Variants in WDR41 observed in about 807,000 individuals in gnomAD.
The protein encoded by WDR41 is WD repeat-containing protein 41.
A neutral mutation model predicts 69.3 loss-of-function variants in WDR41; 63 were observed. The ratio of observed to expected loss-of-function variants is 0.91; its 90% CI spans 0.74 to 1.12. The LOEUF (loss-of-function observed/expected upper bound fraction) is 1.12, where lower values mean the gene tolerates loss of function less well. Ranked by LOEUF, WDR41 falls within the 50% of genes most tolerant of loss-of-function variation. The probability of loss-of-function intolerance (pLI) is 0.00; values close to 1 mark genes in which losing one functional copy is unlikely to be tolerated. For synonymous variants in WDR41, 185 were observed against 192.1 expected (o/e 0.96, Z 0.31); for missense variants, 543 against 534.5 (o/e 1.02, Z -0.16).
chr5:77,455,990 CAAAA>C (rs1415619341), intron 5 of WDR41, among the ~76,000 whole-genome samples: 24 of 148,876 alleles, frequency 1.6e-4, no homozygotes, highest in African/African-American at 4.7e-4. Flanking sequence ...AAAAAAACAA[CAAAA>C]AAACAAGCCA....
At chr5:77,562,511 T>C (rs1474973297) in intron 1 of WDR41, among the ~76,000 whole-genome samples, 2 of 152,204 alleles carry the variant, frequency 1.3e-5, no homozygotes, top group African/African-American at 4.8e-5. Context: ...AATCAGTTGA[T>C]GTGTCCTTTG....
intron 1 of WDR41, among the ~76,000 whole-genome samples, chr5:77,508,409 T>C (rs77760208): frequency 0.039 from 5,996 of 152,326 alleles, 145 homozygotes; most frequent in Middle Eastern, 0.1. Flanking sequence ...CCACCACACC[T>C]GGCCCTTTTA....
rs950440731 is a variant in WDR41 at position 77,431,967 on chromosome 5, A to C, written c.*1168T>G. On this transcript the variant is annotated 3_prime_UTR_variant, in exon 13 of 13. Transcript: ENST00000296679. ...AGATTTAATTGCAAGGCCTTACTGC[A>C]CTGGGCCTCAGTTTCCTCATTTGTA... 3.3e-5 allele frequency: 5 copies of C among 152,316 alleles called. No homozygotes were observed. Among genetic ancestry groups the C allele is most frequent in the Non-Finnish European group, 5.9e-5 (4 of 68,048 alleles). The allele number at this position is 152,316 out of a possible 1,614,324, so 9.4% of individuals were successfully genotyped here. A position where few individuals can be genotyped will look rare whatever the true frequency, so the allele number is the denominator to read the frequency against.
chr5:77,559,250 G>A (rs750365347), intron 1 of WDR41, among the ~76,000 whole-genome samples: 3 of 152,136 alleles, frequency 2.0e-5, no homozygotes, highest in African/African-American at 4.8e-5. Context: ...ACTAAATGTC[G>A]AGTTGGGGAG....
chr5:77,577,623 G>C (rs112493559), intron 1 of WDR41, among the ~76,000 whole-genome samples: 1,630 of 152,242 alleles, frequency 0.011, 13 homozygotes, highest in South Asian at 0.017. Flanking sequence ...TTTACTGCTA[G>C]ATGTTTACCC....
At chr5:77,575,392 C>T (rs537965550) in intron 1 of WDR41, among the ~76,000 whole-genome samples, 1 of 152,266 alleles carries the variant, frequency 6.6e-6, no homozygotes, top group South Asian at 2.1e-4. Flanking sequence ...TATGCAAGGG[C>T]ACAGCAAGCC....
At chr5:77,470,750 C>G (rs1800554239) in intron 2 of WDR41, among the ~76,000 whole-genome samples, 1 of 152,120 alleles carries the variant, frequency 6.6e-6, no homozygotes, top group Non-Finnish European at 1.5e-5. Context: ...TATATGCACC[C>G]AATACAGGAG....
At chr5:77,562,534 T>A (rs1460317899) in intron 1 of WDR41, among the ~76,000 whole-genome samples, 1 of 152,154 alleles carries the variant, frequency 6.6e-6, no homozygotes, top group Non-Finnish European at 1.5e-5. Flanking sequence ...TCAACTGTAG[T>A]TGTTAATAAA....
chr5:77,594,137 C>T (rs1272884191), intron 1 of WDR41, among the ~76,000 whole-genome samples: 1 of 151,612 alleles, frequency 6.6e-6, no homozygotes, highest in African/African-American at 2.4e-5. Context: ...AAGCTGGAAA[C>T]CATCATTCTC....
At chr5:77,522,279 C>T (rs569723029) in intron 1 of WDR41, among the ~76,000 whole-genome samples, 1 of 152,214 alleles carries the variant, frequency 6.6e-6, no homozygotes, top group African/African-American at 2.4e-5. Context: ...GAGACAGCAG[C>T]GATTTCTGCA....
At position 77,459,004 on chromosome 5, in the gene WDR41, A is replaced by T. The variant is rs1799936751; in HGVS notation, c.411+58T>A. 3 of 1,275,674 alleles carry T rather than the reference A, an allele frequency of 2.4e-6. No individual in the cohort carries two copies. In the East Asian group the frequency reaches 7.1e-5, roughly 30 times the overall value. The allele number at this position is 1,275,674 out of a possible 1,614,324, so 79.0% of individuals were successfully genotyped here. A position where few individuals can be genotyped will look rare whatever the true frequency, so the allele number is the denominator to read the frequency against. ...GTAATTTCGTCTAACTCTTTAAACC[A>T]TGTCTTCTGAGACAAAAATAGATTG... On this transcript the variant is annotated intron_variant, in intron 5 of 12. Transcript: ENST00000296679.
chr5:77,565,623 CAA>C (rs1743611097), intron 1 of WDR41, among the ~76,000 whole-genome samples: 1 of 152,050 alleles, frequency 6.6e-6, no homozygotes, highest in African/African-American at 2.4e-5. Context: ...GGAAAAGACT[CAA>C]AGATTCCTTC....
chr5:77,583,311 T>G (rs1743975886), intron 1 of WDR41, among the ~76,000 whole-genome samples: 1 of 150,912 alleles, frequency 6.6e-6, no homozygotes. Context: ...GCTCAGGAGT[T>G]CAAGACCAGC....
intron 1 of WDR41, among the ~76,000 whole-genome samples, chr5:77,594,977 A>G (rs1014814462): frequency 6.6e-6 from 1 of 152,232 alleles, no homozygotes; most frequent in Non-Finnish European, 1.5e-5. Context: ...AATAGTAAGA[A>G]AGGTGAAAGA....
chr5:77,513,347 C>A (rs149123661), intron 1 of WDR41, among the ~76,000 whole-genome samples: 1,820 of 152,262 alleles, frequency 0.012, 34 homozygotes, highest in African/African-American at 0.04. Flanking sequence ...TAGTGGTCAG[C>A]ATTCACTAGA....
chr5:77,512,616 G>C (rs1802226562), intron 1 of WDR41, among the ~76,000 whole-genome samples: 1 of 151,732 alleles, frequency 6.6e-6, no homozygotes, highest in South Asian at 2.1e-4. Context: ...CAGGGGTGGT[G>C]GCGTGCACCT....
At chr5:77,574,756 A>G (rs1236967694) in intron 1 of WDR41, among the ~76,000 whole-genome samples, 3 of 152,216 alleles carry the variant, frequency 2.0e-5, no homozygotes, top group Non-Finnish European at 4.4e-5. Flanking sequence ...AGACAGCGAC[A>G]TAGATCTACA....
rs1800403588 is a variant in WDR41 at position 77,468,460 on chromosome 5, C to T, written c.168-3651G>A. Reference sequence around the variant, plus strand: ...TCTCTGAGAAAGTATTCTCTCGTTCCTTCCAACAGTGGGCTGAAAACTACA... The same window carrying T: ...TCTCTGAGAAAGTATTCTCTCGTTCTTTCCAACAGTGGGCTGAAAACTACA... On this transcript the variant is annotated intron_variant, in intron 2 of 12. Transcript: ENST00000296679. Among the ~76,000 whole-genome samples the T allele has an allele frequency of 2.0e-5, 3 of 152,278 alleles. No homozygotes were observed. The South Asian group carries it at 6.2e-4, about 32-fold the overall frequency.
intron 1 of WDR41, chr5:77,491,854 T>G (rs1162552797): frequency 2.6e-6 from 1 of 390,648 alleles, no homozygotes; most frequent in Non-Finnish European, 4.6e-6. Flanking sequence ...CCAGAAGCCC[T>G]AAGTTGTCAC....
Sources: gnomAD v4.1 joint callset for allele counts (sites outside exome capture counted in the v4.1 genomes callset) on GRCh38, gnomAD v4.1.1 for gene constraint, MANE v1.5 for transcripts, NCBI Gene and HGNC (gene_info 2026-07-23, HGNC 2026-07-21) for gene names.